KHDRBS2: variants seen among roughly 807,000 people sequenced by gnomAD.
KHDRBS2 encodes KH RNA binding domain containing, signal transduction associated 2.
In KHDRBS2, 26 loss-of-function variants were observed where a neutral mutation model predicts 44.3. That is an observed-to-expected ratio of 0.59 (90% confidence interval 0.43 to 0.81). KHDRBS2 has a LOEUF of 0.81. Ranked by LOEUF, KHDRBS2 falls within the 40% of genes least tolerant of loss-of-function variation. The probability of loss-of-function intolerance (pLI) is 0.00; values close to 1 mark genes in which losing one functional copy is unlikely to be tolerated. For missense variants in KHDRBS2, 476 were observed against 433.1 expected (o/e 1.10, Z -0.88); for synonymous variants, 194 against 151.1 (o/e 1.28, Z -2.08).
At chr6:62,006,243 G>A (rs903180666) in intron 3 of KHDRBS2, among the ~76,000 whole-genome samples, 3 of 151,888 alleles carry the variant, frequency 2.0e-5, no homozygotes, top group Non-Finnish European at 4.4e-5. Flanking sequence ...CTTCTTAAAG[G>A]CAACAATGGA....
At chr6:61,612,102 G>GA in the KHDRBS2 span, among the ~76,000 whole-genome samples, 9 of 150,474 alleles carry the variant, frequency 6.0e-5, no homozygotes, top group African/African-American at 1.7e-4. Context: ...TAAAGTACTA[G>GA]AAAAAATCTT....
the KHDRBS2 span, among the ~76,000 whole-genome samples, chr6:61,555,819 G>A: frequency 1.8e-4 from 27 of 152,262 alleles, no homozygotes; most frequent in African/African-American, 6.0e-4. Flanking sequence ...TGGGCTATAT[G>A]CTTTAACTTG....
intron 2 of KHDRBS2, among the ~76,000 whole-genome samples, chr6:62,061,646 T>A (rs1192819939): frequency 6.6e-6 from 1 of 151,238 alleles, no homozygotes; most frequent in Non-Finnish European, 1.5e-5. Context: ...CTGACAATTA[T>A]GTGTCTTGGA....
At chr6:61,579,105 A>T in the KHDRBS2 span, among the ~76,000 whole-genome samples, 1 of 152,098 alleles carries the variant, frequency 6.6e-6, no homozygotes, top group Non-Finnish European at 1.5e-5. Context: ...TAGGCTCAGG[A>T]TTACCAGTAG....
At chr6:61,574,390 G>A in the KHDRBS2 span, 2 of 1,525,378 alleles carry the variant, frequency 1.3e-6, no homozygotes, top group South Asian at 2.4e-5. Context: ...TGCCCGTGAA[G>A]AGGCGGACAT....
At chr6:61,995,113 A>G (rs1468247463) in intron 3 of KHDRBS2, among the ~76,000 whole-genome samples, 4 of 152,102 alleles carry the variant, frequency 2.6e-5, no homozygotes, top group Admixed American at 6.6e-5. Flanking sequence ...ACCCTTTATC[A>G]TGGCCTACAA....
chr6:61,870,345 T>C (rs1242258772), intron 6 of KHDRBS2, among the ~76,000 whole-genome samples: 2 of 152,038 alleles, frequency 1.3e-5, no homozygotes, highest in East Asian at 3.9e-4. Context: ...TTTCTAGATT[T>C]CTCCTCTCTG....
chr6:61,566,194 C>A, the KHDRBS2 span, among the ~76,000 whole-genome samples: 1 of 152,008 alleles, frequency 6.6e-6, no homozygotes, highest in Non-Finnish European at 1.5e-5. Context: ...AACTTGATCT[C>A]ATGGAGGTGA....
At chr6:62,096,097 C>A (rs1198949583) in intron 2 of KHDRBS2, among the ~76,000 whole-genome samples, 1 of 151,776 alleles carries the variant, frequency 6.6e-6, no homozygotes, top group African/African-American at 2.4e-5. Context: ...ATCTTTTTGA[C>A]GTGCTTTTGG....
At chr6:62,149,892 GTATTA>G in intron 2 of KHDRBS2, among the ~76,000 whole-genome samples, 1 of 152,148 alleles carries the variant, frequency 6.6e-6, no homozygotes, top group Non-Finnish European at 1.5e-5. Flanking sequence ...CATTTAAAAT[GTATTA>G]GCAGTGGATC....
chr6:61,962,650 A>C (rs976159788), intron 4 of KHDRBS2, among the ~76,000 whole-genome samples: 4 of 152,110 alleles, frequency 2.6e-5, no homozygotes, highest in Non-Finnish European at 4.4e-5. Context: ...ACAATCAATA[A>C]ATTAGGATAA....
intron 4 of KHDRBS2, among the ~76,000 whole-genome samples, chr6:61,942,322 T>A (rs1229383349): frequency 6.6e-6 from 1 of 151,674 alleles, no homozygotes; most frequent in African/African-American, 2.4e-5. Flanking sequence ...TGAGAATTAA[T>A]ACAAAGAAAT....
At chr6:61,869,953 G>T (rs1167145224) in intron 6 of KHDRBS2, among the ~76,000 whole-genome samples, 8 of 139,454 alleles carry the variant, frequency 5.7e-5, no homozygotes, top group Non-Finnish European at 1.1e-4. Flanking sequence ...CACCGAACTA[G>T]CTGCAGGAGT....
chr6:62,188,396 C>T (rs1026603221), intron 1 of KHDRBS2, among the ~76,000 whole-genome samples: 2 of 152,200 alleles, frequency 1.3e-5, no homozygotes, highest in Non-Finnish European at 2.9e-5. Context: ...TAAGTGGAAT[C>T]ATGTAGCGAT....
At chr6:61,989,878 A>C (rs1775803645) in intron 3 of KHDRBS2, among the ~76,000 whole-genome samples, 1 of 152,182 alleles carries the variant, frequency 6.6e-6, no homozygotes, top group Non-Finnish European at 1.5e-5. Flanking sequence ...AGCATAGAAC[A>C]GGGAAGAAAT....
the KHDRBS2 span, among the ~76,000 whole-genome samples, chr6:61,573,111 T>C: frequency 6.6e-6 from 1 of 151,966 alleles, no homozygotes; most frequent in South Asian, 2.1e-4. Flanking sequence ...GATAAATAAA[T>C]TCAGTAAAGT....
the KHDRBS2 span, among the ~76,000 whole-genome samples, chr6:61,590,407 C>T: frequency 6.6e-6 from 1 of 152,098 alleles, no homozygotes; most frequent in African/African-American, 2.4e-5. Context: ...GACCTTGGTG[C>T]ATCCAAAGTC....
chr6:61,956,919 A>ATCG (rs1352267402), intron 4 of KHDRBS2, among the ~76,000 whole-genome samples: 1 of 151,492 alleles, frequency 6.6e-6, no homozygotes, highest in African/African-American at 2.4e-5. Flanking sequence ...CATCATCATC[A>ATCG]TCATCATCAT....
intron 6 of KHDRBS2, among the ~76,000 whole-genome samples, chr6:61,854,209 T>A (rs771320327): frequency 6.6e-6 from 1 of 152,006 alleles, no homozygotes; most frequent in Non-Finnish European, 1.5e-5. Context: ...ATACTTGAAA[T>A]TTTTTTTCTG....
Sources: allele counts gnomAD v4.1 joint callset (sites outside exome capture counted in the v4.1 genomes callset), GRCh38; gene constraint gnomAD v4.1.1; transcripts MANE v1.5; gene names NCBI Gene and HGNC (gene_info 2026-07-23, HGNC 2026-07-21).